Variants in MARK1 observed in about 807,000 individuals in gnomAD.
The protein encoded by MARK1 is microtubule affinity regulating kinase 1.
Under a neutral mutation model 96.3 loss-of-function variants are expected in MARK1, and 40 were observed. The ratio of observed to expected loss-of-function variants is 0.42; its 90% confidence interval spans 0.32 to 0.54. MARK1 has a LOEUF of 0.54. MARK1 is among the 20% of genes least tolerant of loss of function. The pLI, the probability that MARK1 is intolerant of heterozygous loss-of-function variation, is 0.16. For missense variants in MARK1, 719 were observed against 984.6 expected (o/e 0.73, Z 3.61); for synonymous variants, 317 against 341.2 (o/e 0.93, Z 0.78).
chr1:220,635,259 G>A (rs1667886944), intron 11 of MARK1, 117 bp from the exon 12 acceptor site: 1 of 1,011,582 alleles, frequency 9.9e-7, no homozygotes, highest in African/African-American at 1.6e-5. Context: ...TGTTTTTTCA[G>A]TTTGGATTAC....
In MARK1 at chr1:220,581,075, A is replaced by G; in HGVS notation, c.266A>G (p.Lys89Arg). The G allele has an allele frequency of 7.8e-7, 1 of 1,289,054 alleles. No individual in the cohort carries two copies. Among genetic ancestry groups the G allele is most frequent in the Non-Finnish European group, 1.0e-6 (1 of 967,596 alleles). 79.9% of individuals were successfully genotyped at this position (1,289,054 alleles called of 1,614,324 possible). Residue 89 changes from lysine (K) to arginine (R), a missense_variant, in exon 3 of 18, where the codon AAA becomes AGA. Coordinates refer to ENST00000366917, the MANE Select transcript of MARK1 (RefSeq NM_018650.5). The stretch of plus-strand genomic sequence containing the variant: ...ATTCTTCTTTTTTAGGTTGCTGTGA[A>G]AATAATAGACAAAACTCAGCTAAAT... The part of the protein sequence containing the change: ...HVLTGREVAV[K>R]IIDKTQLNPT...
rs148648623 is a variant in MARK1 at position 220,641,390 on chromosome 1, G to A, written c.1470+5364G>A. On this transcript the variant is annotated intron_variant, in intron 13 of 17. Coordinates refer to ENST00000366917, the MANE Select transcript of MARK1 (RefSeq NM_018650.5). ...AGGGAGCTTGTTCTACCCTTCTACC[G>A]TGTGAAATCACAACAAAAAGATGGC... 2.6e-4 allele frequency among the ~76,000 whole-genome samples: 40 copies of A among 152,242 alleles called. No homozygotes were observed. In the East Asian group the frequency reaches 4.7e-3, roughly 18 times the overall value.
At chr1:220,614,247 G>C (rs962773863) in intron 6 of MARK1, among the ~76,000 whole-genome samples, 4 of 151,904 alleles carry the variant, frequency 2.6e-5, no homozygotes, top group African/African-American at 9.7e-5. Context: ...GGCCTCAAGC[G>C]ATCATCCTCC....
intron 17 of MARK1, 49 bp downstream of exon 17, chr1:220,657,883 A>C: frequency 1.5e-6 from 2 of 1,375,038 alleles, no homozygotes; most frequent in Non-Finnish European, 1.9e-6. Flanking sequence ...GTGTATGAAA[A>C]CGTACTTTTG....
At chr1:220,538,985 T>C (rs1660925895) in intron 1 of MARK1, among the ~76,000 whole-genome samples, 1 of 151,978 alleles carries the variant, frequency 6.6e-6, no homozygotes, top group Non-Finnish European at 1.5e-5. Flanking sequence ...CAATGGGGTT[T>C]TCTAGATATA....
intron 1 of MARK1, among the ~76,000 whole-genome samples, chr1:220,574,694 A>C (rs1037331918): frequency 3.3e-5 from 5 of 152,128 alleles, no homozygotes; most frequent in African/African-American, 1.2e-4. Flanking sequence ...TTTTGTCTAC[A>C]GATTATATTT....
Position 220,528,751 on chromosome 1 carries a change from C to A in MARK1, c.-72C>A, listed in dbSNP as rs1660091959. 6.9e-7 allele frequency: 1 copy of A among 1,451,154 alleles called. No individual in the cohort carries two copies. Among genetic ancestry groups the A allele is most frequent in the Non-Finnish European group, 9.4e-7 (1 of 1,068,866 alleles). 89.9% of individuals were successfully genotyped at this position (1,451,154 alleles called of 1,614,324 possible). On this transcript the variant is annotated 5_prime_UTR_variant, in exon 1 of 18. Coordinates refer to ENST00000366917, the MANE Select transcript of MARK1 (RefSeq NM_018650.5). ...CTTGTGCTCGCGTCCGCACCCCTTT[C>A]CTGTCGCCCCCCGGGGCCCGCACCA...
Position 220,604,150 on chromosome 1 carries a change from G to C in MARK1, c.495+13G>C. The C allele has an allele frequency of 2.5e-6, 4 of 1,591,260 alleles. No individual in the cohort carries two copies. Among genetic ancestry groups the C allele is most frequent in the Non-Finnish European group, 3.4e-6 (4 of 1,161,980 alleles). ...AAAATTTAGGCAGGTATGGAAAGTA[G>C]TTTTCAACTTTGTTTTGCTGATAAT... is the stretch of plus-strand genomic sequence containing the variant. On this transcript the variant is annotated intron_variant, in intron 6 of 17. Coordinates refer to ENST00000366917, the MANE Select transcript of MARK1 (RefSeq NM_018650.5).
intron 6 of MARK1, among the ~76,000 whole-genome samples, chr1:220,611,693 T>C (rs1194657183): frequency 1.3e-5 from 2 of 152,194 alleles, no homozygotes; most frequent in Non-Finnish European, 2.9e-5. Flanking sequence ...CTTCTTGGAA[T>C]GTCCCTCGAC....
chr1:220,591,570 A>C (rs1413345054), intron 3 of MARK1, among the ~76,000 whole-genome samples: 1 of 152,156 alleles, frequency 6.6e-6, no homozygotes, highest in African/African-American at 2.4e-5. Context: ...TGCCTGTGCC[A>C]ATTAGAGAGT....
chr1:220,638,489 C>A (rs1668093286), intron 13 of MARK1, among the ~76,000 whole-genome samples: 1 of 152,090 alleles, frequency 6.6e-6, no homozygotes, highest in African/African-American at 2.4e-5. Flanking sequence ...TGTCTTGTTT[C>A]ATTCACTGTT....
intron 1 of MARK1, among the ~76,000 whole-genome samples, chr1:220,569,331 G>A (rs1184301084): frequency 6.6e-6 from 1 of 151,932 alleles, no homozygotes; most frequent in Non-Finnish European, 1.5e-5. Flanking sequence ...TCTTTACTTT[G>A]ATATAAGGAG....
chr1:220,548,723 T>C (rs1418426878), intron 1 of MARK1, among the ~76,000 whole-genome samples: 1 of 152,066 alleles, frequency 6.6e-6, no homozygotes, highest in Non-Finnish European at 1.5e-5. Context: ...GCCACTGCAC[T>C]CCAGCCTGGG....
At chr1:220,528,969 C>T in intron 1 of MARK1, 96 bp downstream of exon 1, 1 of 1,257,736 alleles carries the variant, frequency 8.0e-7, no homozygotes, top group Non-Finnish European at 1.1e-6. Context: ...TGCCTCGGCG[C>T]GGCCACCCGC....
At chr1:220,628,304 A>AAAGG (rs1420588480) in intron 9 of MARK1, among the ~76,000 whole-genome samples, 1 of 152,118 alleles carries the variant, frequency 6.6e-6, no homozygotes, top group Non-Finnish European at 1.5e-5. Context: ...ATCCCCTTTC[A>AAAGG]GTGCTGCCAT....
chr1:220,533,699 A>G (rs113803499), intron 1 of MARK1, among the ~76,000 whole-genome samples: 3,426 of 152,216 alleles, frequency 0.023, 81 homozygotes, highest in Admixed American at 0.065. Flanking sequence ...GTCATCTGCT[A>G]TTTGGTGTGT....
At chr1:220,569,567 A>G (rs951873559) in intron 1 of MARK1, among the ~76,000 whole-genome samples, 5 of 151,608 alleles carry the variant, frequency 3.3e-5, no homozygotes, top group Non-Finnish European at 4.4e-5. Context: ...ATCAATTGTG[A>G]ATTTATTTTG....
intron 1 of MARK1, among the ~76,000 whole-genome samples, chr1:220,576,144 A>T (rs1329128782): frequency 6.6e-6 from 1 of 150,822 alleles, no homozygotes; most frequent in Non-Finnish European, 1.5e-5. Context: ...AGCATTGTGT[A>T]TCTACTGACA....
intron 13 of MARK1, among the ~76,000 whole-genome samples, chr1:220,638,017 T>G (rs1208788082): frequency 6.6e-6 from 1 of 152,192 alleles, no homozygotes; most frequent in Non-Finnish European, 1.5e-5. Flanking sequence ...CCTTTTAGTC[T>G]GTGGAACAGA....
Sources: allele counts gnomAD v4.1 joint callset (sites outside exome capture counted in the v4.1 genomes callset), GRCh38; gene constraint gnomAD v4.1.1; transcripts MANE v1.5; gene names NCBI Gene and HGNC (gene_info 2026-07-23, HGNC 2026-07-21).